The following SFSWAP variants were observed in gnomAD, a reference collection of about 807,000 sequenced individuals.
SFSWAP encodes the protein splicing factor, suppressor of white-apricot homolog.
In SFSWAP, 17 loss-of-function variants were observed where a neutral mutation model predicts 100.7. That is an observed-to-expected ratio of 0.17 (90% CI 0.12 to 0.25). The LOEUF (loss-of-function observed/expected upper bound fraction) is 0.25, where lower values mean the gene tolerates loss of function less well. SFSWAP is among the 10% of genes least tolerant of loss of function. The pLI, the probability that SFSWAP is intolerant of heterozygous loss-of-function variation, is 1.00. For missense variants in SFSWAP, 1,005 were observed against 1,262.6 expected, an observed-to-expected ratio of 0.80 and a Z score of 3.09; for synonymous variants, 504 against 510.1, an observed-to-expected ratio of 0.99 and a Z score of 0.16.
At chr12:131,779,292 T>TGAGC (rs1884306190) in intron 14 of SFSWAP, among the ~76,000 whole-genome samples, 166 of 65,848 alleles carry the variant, frequency 2.5e-3, no homozygotes, top group Middle Eastern at 9.6e-3. Flanking sequence ...CGCGGGTGGG[T>TGAGC]GTGTGTGAAG....
At chr12:131,771,549 C>T (rs1440010858) in intron 13 of SFSWAP, among the ~76,000 whole-genome samples, 1 of 152,130 alleles carries the variant, frequency 6.6e-6, no homozygotes, top group African/African-American at 2.4e-5. Flanking sequence ...CTTCATGTCC[C>T]TGTCGGCATT....
chr12:131,791,344 G>A (rs1885212310), intron 15 of SFSWAP, among the ~76,000 whole-genome samples: 1 of 152,004 alleles, frequency 6.6e-6, no homozygotes, highest in Admixed American at 6.6e-5. Flanking sequence ...AGCCAAGATC[G>A]TGCCACTGCA....
At chr12:131,772,344 T>C (rs771469310) in intron 13 of SFSWAP, among the ~76,000 whole-genome samples, 1 of 152,078 alleles carries the variant, frequency 6.6e-6, no homozygotes. Context: ...CAGTTGTAAA[T>C]GATGTCCTAA....
intron 12 of SFSWAP, 121 bp downstream of exon 12, chr12:131,764,807 A>G (rs1429161684): frequency 2.3e-5 from 16 of 693,302 alleles, no homozygotes; most frequent in Admixed American, 5.7e-5. Flanking sequence ...AAATCGACCT[A>G]TTTGGGAGTT....
chr12:131,787,808 G>C (rs1884998906), intron 15 of SFSWAP, among the ~76,000 whole-genome samples: 1 of 152,222 alleles, frequency 6.6e-6, no homozygotes, highest in Middle Eastern at 3.2e-3. Flanking sequence ...CCCTGGGCAA[G>C]AAGACCGTGC....
chr12:131,740,292 G>C (rs1238458629), intron 7 of SFSWAP, among the ~76,000 whole-genome samples: 1 of 152,162 alleles, frequency 6.6e-6, no homozygotes, highest in African/African-American at 2.4e-5. Context: ...GATGCACCGA[G>C]TCGCTTGCCT....
intron 7 of SFSWAP, among the ~76,000 whole-genome samples, chr12:131,729,465 C>T (rs1868713824): frequency 1.3e-5 from 2 of 152,150 alleles, no homozygotes; most frequent in Non-Finnish European, 2.9e-5. Flanking sequence ...GATTGCACTG[C>T]CACACTCTAG....
intron 13 of SFSWAP, among the ~76,000 whole-genome samples, chr12:131,769,116 G>T (rs1883364776): frequency 9.7e-6 from 1 of 103,474 alleles, no homozygotes; most frequent in South Asian, 3.3e-4. Context: ...GACAGAGCGA[G>T]ACTCCTTCTC....
intron 7 of SFSWAP, among the ~76,000 whole-genome samples, chr12:131,737,227 G>A (rs1303025671): frequency 2.6e-5 from 4 of 152,256 alleles, no homozygotes; most frequent in Middle Eastern, 3.4e-3. Flanking sequence ...CTCAAGGGGA[G>A]GGCAGCACGA....
chr12:131,729,491 A>G (rs552695956), intron 7 of SFSWAP, among the ~76,000 whole-genome samples: 134 of 152,328 alleles, frequency 8.8e-4, no homozygotes, highest in African/African-American at 3.0e-3. Flanking sequence ...GCGATAGAGC[A>G]GTACCCTGTC....
At chr12:131,749,828 C>T (rs1566025665) in intron 7 of SFSWAP, among the ~76,000 whole-genome samples, 1 of 152,238 alleles carries the variant, frequency 6.6e-6, no homozygotes, top group Non-Finnish European at 1.5e-5. Flanking sequence ...TAGCTGCACA[C>T]CAGTCCTAGT....
intron 7 of SFSWAP, among the ~76,000 whole-genome samples, chr12:131,745,074 A>C (rs1322286447): frequency 6.6e-6 from 1 of 152,242 alleles, no homozygotes; most frequent in Non-Finnish European, 1.5e-5. Context: ...GACACAGCCA[A>C]ACCATACCAG....
Position 131,797,184 on chromosome 12 carries a change from C to T in SFSWAP, c.2541C>T (p.Pro847=), listed in dbSNP as rs1352424382. The change falls in exon 16 of 18, where the codon CCC becomes CCT. Residue 847 remains proline (P), a synonymous_variant. Transcript: ENST00000261674. ...ASRKRTRSRS[P]HEKKKKRRSR... ...AGAAACTCTTGCCTTTCAGAAGTCC[C>T]CACGAGAAGAAGAAGAAGAGGCGGT... 6.2e-7 allele frequency: 1 copy of T among 1,608,466 alleles called. No homozygotes were observed. Among genetic ancestry groups the T allele is most frequent in the Admixed American group, 1.7e-5 (1 of 59,822 alleles).
At chr12:131,739,076 C>A (rs1384376781) in intron 7 of SFSWAP, among the ~76,000 whole-genome samples, 1 of 151,654 alleles carries the variant, frequency 6.6e-6, no homozygotes, top group Admixed American at 6.6e-5. Context: ...GAGGGTCTTG[C>A]TATGTTGCCC....
chr12:131,761,391 G>A (rs1882667700), intron 11 of SFSWAP, among the ~76,000 whole-genome samples: 1 of 152,178 alleles, frequency 6.6e-6, no homozygotes, highest in African/African-American at 2.4e-5. Context: ...GTCCTCCACC[G>A]CCTAGGAGAT....
chr12:131,774,591 T>C (rs1883865942), intron 13 of SFSWAP, among the ~76,000 whole-genome samples: 1 of 152,214 alleles, frequency 6.6e-6, no homozygotes, highest in African/African-American at 2.4e-5. Flanking sequence ...TGCTGGAATA[T>C]TAAAAATGCA....
chr12:131,762,134 G>A (rs1882726602), intron 11 of SFSWAP, among the ~76,000 whole-genome samples: 1 of 152,176 alleles, frequency 6.6e-6, no homozygotes, highest in African/African-American at 2.4e-5. Flanking sequence ...TCAAGAGGCT[G>A]AGGCAGGAGA....
chr12:131,782,698 A>G (rs1229657579), intron 14 of SFSWAP, among the ~76,000 whole-genome samples: 1 of 152,216 alleles, frequency 6.6e-6, no homozygotes, highest in Non-Finnish European at 1.5e-5. Flanking sequence ...TTACAGCACA[A>G]CGAATATTTA....
At chr12:131,765,426 A>C (rs1305701784) in intron 12 of SFSWAP, among the ~76,000 whole-genome samples, 9 of 152,182 alleles carry the variant, frequency 5.9e-5, no homozygotes, top group Middle Eastern at 3.2e-3. Flanking sequence ...AGGTGGGTGG[A>C]TCACCTGAGG....
Sources: gnomAD v4.1 joint callset for allele counts (sites outside exome capture counted in the v4.1 genomes callset) on GRCh38, gnomAD v4.1.1 for gene constraint, MANE v1.5 for transcripts, NCBI Gene and HGNC (gene_info 2026-07-23, HGNC 2026-07-21) for gene names.